TMEM135: variants seen among roughly 807,000 people sequenced by gnomAD.
The protein encoded by TMEM135 is peroxisomal membrane protein 52.
TMEM135 carries 30 observed loss-of-function variants against 60.3 expected under a neutral mutation model. The observed-to-expected ratio is 0.50, with a 90% confidence interval of 0.37 to 0.68. The LOEUF is 0.68. Among genes scored for constraint, TMEM135 ranks in the 30% least tolerant of loss-of-function variants. The pLI is 0.00. For synonymous variants in TMEM135, 190 were observed against 186.7 expected (o/e 1.02, Z -0.14); for missense variants, 468 against 548.8 (o/e 0.85, Z 1.47).
chr11:87,321,411 C>T lies in TMEM135; in HGVS notation c.*78C>T, dbSNP rs1164426069. The T allele has an allele frequency of 2.0e-6, 3 of 1,470,940 alleles. No homozygotes were observed. Among genetic ancestry groups the T allele is most frequent in the Non-Finnish European group, 2.9e-6 (3 of 1,052,188 alleles). 91.1% of individuals were successfully genotyped at this position (1,470,940 alleles called of 1,614,324 possible). A position where few individuals can be genotyped will look rare whatever the true frequency, so the allele number is the denominator to read the frequency against. Reference sequence around the variant, plus strand: ...TATGTTGAACACAAAGGAGGGGGCCCAAGCTCGAACTTCAGTGTTATTTCA... The same window carrying T: ...TATGTTGAACACAAAGGAGGGGGCCTAAGCTCGAACTTCAGTGTTATTTCA... On this transcript the variant is annotated 3_prime_UTR_variant, in exon 15 of 15. Coordinates refer to ENST00000305494, the MANE Select transcript of TMEM135 (RefSeq NM_022918.4).
chr11:87,208,425 G>C (rs957542495), intron 5 of TMEM135, among the ~76,000 whole-genome samples: 1 of 152,072 alleles, frequency 6.6e-6, no homozygotes, highest in Admixed American at 6.5e-5. Flanking sequence ...AATACAATTG[G>C]AAGCACTGAT....
At position 87,326,492 on chromosome 11, in the gene TMEM135, T is replaced by A. The variant is rs2134550759; in HGVS notation, c.*5159T>A. 1 of 454,136 alleles carries A rather than the reference T, an allele frequency of 2.2e-6. No homozygotes were observed. The highest frequency in any genetic ancestry group is 4.4e-6 in the Non-Finnish European group (1 of 226,780). 28.1% of individuals were successfully genotyped at this position (454,136 alleles called of 1,614,324 possible). A position where few individuals can be genotyped will look rare whatever the true frequency, so the allele number is the denominator to read the frequency against. ...GTCACCTAAGAGGACCCTGAAGCTA[T>A]AGTGCCAAAGGTTTAAAGCATGAAG... On this transcript the variant is annotated 3_prime_UTR_variant, in exon 15 of 15. Coordinates refer to ENST00000305494, the MANE Select transcript of TMEM135 (RefSeq NM_022918.4).
At chr11:87,042,212 T>C in intron 1 of TMEM135, among the ~76,000 whole-genome samples, 1 of 152,252 alleles carries the variant, frequency 6.6e-6, no homozygotes, top group Non-Finnish European at 1.5e-5. Flanking sequence ...ATAATGGTAA[T>C]AGACTGATTG....
chr11:87,103,990 AC>A (rs367617495), intron 4 of TMEM135, among the ~76,000 whole-genome samples: 13 of 151,786 alleles, frequency 8.6e-5, no homozygotes, highest in East Asian at 1.9e-4. Context: ...TTGGGTTCAT[AC>A]CCCCAAAAAA....
At chr11:87,072,924 T>C (rs917432799) in intron 3 of TMEM135, among the ~76,000 whole-genome samples, 1 of 152,256 alleles carries the variant, frequency 6.6e-6, no homozygotes, top group Non-Finnish European at 1.5e-5. Flanking sequence ...AAGGATCATG[T>C]ACTGAAACCA....
At chr11:87,218,834 C>T (rs912934876) in intron 5 of TMEM135, among the ~76,000 whole-genome samples, 15 of 152,094 alleles carry the variant, frequency 9.9e-5, no homozygotes, top group Admixed American at 2.0e-4. Context: ...TGGTGGTGCA[C>T]ACCTGTGATC....
At chr11:87,249,429 T>A (rs1024092183) in intron 6 of TMEM135, among the ~76,000 whole-genome samples, 1 of 152,188 alleles carries the variant, frequency 6.6e-6, no homozygotes, top group African/African-American at 2.4e-5. Context: ...ACTTTTTGTC[T>A]TGTTGATCTT....
chr11:87,296,787 A>C (rs1454150850), intron 7 of TMEM135, among the ~76,000 whole-genome samples: 1 of 152,170 alleles, frequency 6.6e-6, no homozygotes, highest in African/African-American at 2.4e-5. Flanking sequence ...GCTTTCGATA[A>C]CTACAGGGAA....
At chr11:87,039,339 T>C (rs1255147181) in intron 1 of TMEM135, among the ~76,000 whole-genome samples, 1 of 152,202 alleles carries the variant, frequency 6.6e-6, no homozygotes, top group Non-Finnish European at 1.5e-5. Context: ...GAGGATTATG[T>C]TAAAATGGGG....
intron 1 of TMEM135, among the ~76,000 whole-genome samples, chr11:87,066,426 C>A (rs1214444634): frequency 1.3e-5 from 2 of 152,130 alleles, no homozygotes; most frequent in African/African-American, 4.8e-5. Flanking sequence ...AATCAGTCCT[C>A]AGTATCTATA....
intron 5 of TMEM135, among the ~76,000 whole-genome samples, chr11:87,186,884 A>T (rs1939668070): frequency 6.6e-6 from 1 of 152,180 alleles, no homozygotes; most frequent in South Asian, 2.1e-4. Flanking sequence ...TTGTAAAACA[A>T]GAGAGGGGAA....
At chr11:87,193,859 A>G (rs1204861965) in intron 5 of TMEM135, among the ~76,000 whole-genome samples, 1 of 151,338 alleles carries the variant, frequency 6.6e-6, no homozygotes, top group Non-Finnish European at 1.5e-5. Flanking sequence ...GCCTATGATC[A>G]TGCTAGGATA....
At chr11:87,144,631 A>G (rs1449452854) in intron 4 of TMEM135, among the ~76,000 whole-genome samples, 1 of 152,102 alleles carries the variant, frequency 6.6e-6, no homozygotes, top group East Asian at 1.9e-4. Flanking sequence ...TATTACCTTT[A>G]ATCTTCTAGT....
intron 6 of TMEM135, among the ~76,000 whole-genome samples, chr11:87,248,870 A>G (rs1941353675): frequency 1.3e-5 from 2 of 152,228 alleles, no homozygotes; most frequent in African/African-American, 2.4e-5. Flanking sequence ...ATTTGTAGCT[A>G]TTGTAAATGG....
intron 4 of TMEM135, 80 bp downstream of exon 4, chr11:87,091,475 A>G (rs1857203313): frequency 2.2e-6 from 3 of 1,365,370 alleles, no homozygotes; most frequent in Non-Finnish European, 3.1e-6. Context: ...AAAAAGTAAA[A>G]GAGGAAAGCC....
intron 4 of TMEM135, among the ~76,000 whole-genome samples, chr11:87,105,191 G>A (rs1857561511): frequency 6.6e-6 from 1 of 152,192 alleles, no homozygotes. Flanking sequence ...TCCTGCTAAT[G>A]TGGCATATCA....
chr11:87,313,416 C>T lies in TMEM135; in HGVS notation c.937-9C>T, dbSNP rs777685525. 6.2e-7 allele frequency: 1 copy of T among 1,605,838 alleles called. No individual in the cohort carries two copies. Among genetic ancestry groups the T allele is most frequent in the Non-Finnish European group, 8.5e-7 (1 of 1,173,534 alleles). ...ATAACTGAAGTCATTGTATTTTCTC[C>T]TTAACTAGGGTACTAGTTGCTTCCT... is the stretch of plus-strand genomic sequence containing the variant. On this transcript the variant is annotated splice_polypyrimidine_tract_variant and intron_variant, in intron 10 of 14. Transcript: ENST00000305494.
chr11:87,142,536 C>T (rs1265303326), intron 4 of TMEM135, among the ~76,000 whole-genome samples: 4 of 152,088 alleles, frequency 2.6e-5, no homozygotes, highest in African/African-American at 7.2e-5. Context: ...GAGAAGTCTG[C>T]CATTAATTGT....
At chr11:87,250,832 G>A (rs921236709) in intron 6 of TMEM135, among the ~76,000 whole-genome samples, 2 of 152,184 alleles carry the variant, frequency 1.3e-5, no homozygotes, top group African/African-American at 4.8e-5. Context: ...AGATTTTATT[G>A]TAAAGGGATT....
Sources: allele counts gnomAD v4.1 joint callset (sites outside exome capture counted in the v4.1 genomes callset), GRCh38; gene constraint gnomAD v4.1.1; transcripts MANE v1.5; gene names NCBI Gene and HGNC (gene_info 2026-07-23, HGNC 2026-07-21).